The following CALN1 variants were observed in gnomAD, a reference collection of about 807,000 sequenced individuals.
CALN1 encodes calneuron 1.
Under a neutral mutation model 30.6 loss-of-function variants are expected in CALN1, and 17 were observed. The observed-to-expected ratio is 0.56, with a 90% confidence interval of 0.38 to 0.83. The LOEUF (loss-of-function observed/expected upper bound fraction) is 0.83. Among genes scored for constraint, CALN1 ranks in the 40% least tolerant of loss-of-function variants. The pLI is 0.00. For synonymous variants in CALN1, 156 were observed against 131.4 expected, an observed-to-expected ratio of 1.19 and a Z score of -1.28; for missense variants, 291 against 354.9, an observed-to-expected ratio of 0.82 and a Z score of 1.45.
At chr7:72,384,506 T>A (rs548392382) in intron 2 of CALN1, among the ~76,000 whole-genome samples, 1 of 152,250 alleles carries the variant, frequency 6.6e-6, no homozygotes, top group Admixed American at 6.5e-5. Flanking sequence ...TGGTGTTGTG[T>A]GCCTGTAATC....
chr7:71,791,476 CACTT>C (rs1192677951), intron 6 of CALN1, among the ~76,000 whole-genome samples: 2 of 152,220 alleles, frequency 1.3e-5, no homozygotes, highest in Admixed American at 1.3e-4. Context: ...CGCATGTTCT[CACTT>C]ACAAGTGGGA....
At chr7:72,060,867 C>T (rs141141135) in intron 4 of CALN1, among the ~76,000 whole-genome samples, 22 of 152,312 alleles carry the variant, frequency 1.4e-4, no homozygotes, top group South Asian at 2.1e-4. Context: ...GTGGGTGTCA[C>T]GCTTCTTGTA....
intron 3 of CALN1, among the ~76,000 whole-genome samples, chr7:72,121,600 G>T (rs2129542246): frequency 6.7e-6 from 1 of 148,764 alleles, no homozygotes; most frequent in African/African-American, 2.4e-5. Context: ...ATTTGCGTGT[G>T]TGCACATGTG....
the CALN1 span, among the ~76,000 whole-genome samples, chr7:72,457,812 G>A: frequency 6.7e-6 from 1 of 148,618 alleles, no homozygotes; most frequent in African/African-American, 2.5e-5. Flanking sequence ...CTGCAGTGCA[G>A]AGGTGCAATC....
chr7:72,471,180 A>C, the CALN1 span, among the ~76,000 whole-genome samples: 1 of 152,106 alleles, frequency 6.6e-6, no homozygotes, highest in African/African-American at 2.4e-5. Flanking sequence ...TCTCAATATA[A>C]TCAATCATCC....
At chr7:71,989,759 C>T (rs759827339) in intron 5 of CALN1, among the ~76,000 whole-genome samples, 2 of 151,998 alleles carry the variant, frequency 1.3e-5, no homozygotes, top group Admixed American at 6.6e-5. Context: ...AGAAAAACAA[C>T]TCCAAAAATC....
chr7:72,131,684 C>T (rs990421709), intron 3 of CALN1, among the ~76,000 whole-genome samples: 1 of 152,146 alleles, frequency 6.6e-6, no homozygotes, highest in Non-Finnish European at 1.5e-5. Context: ...CCCATGACCT[C>T]GTATTTGCCC....
At chr7:71,824,555 G>A (rs567436796) in intron 5 of CALN1, among the ~76,000 whole-genome samples, 11 of 152,018 alleles carry the variant, frequency 7.2e-5, no homozygotes, top group African/African-American at 1.2e-4. Context: ...TCCATTTTTC[G>A]TCCCTGACTC....
chr7:72,399,270 C>CT (rs5884888), intron 2 of CALN1, among the ~76,000 whole-genome samples: 4,559 of 106,572 alleles, frequency 0.043, 372 homozygotes, highest in African/African-American at 0.11. Flanking sequence ...TAACCTATTG[C>CT]TTTTTTTTTT....
At chr7:72,402,764 G>A (rs948929606) in intron 2 of CALN1, among the ~76,000 whole-genome samples, 4 of 152,164 alleles carry the variant, frequency 2.6e-5, no homozygotes, top group African/African-American at 9.7e-5. Context: ...TAATTTTTTG[G>A]TGGGGGATGG....
intron 3 of CALN1, among the ~76,000 whole-genome samples, chr7:72,177,338 C>A (rs1187881370): frequency 6.6e-6 from 1 of 152,160 alleles, no homozygotes; most frequent in Non-Finnish European, 1.5e-5. Context: ...CGGGCTATGT[C>A]ATGACTCTTA....
In CALN1 at chr7:71,806,258, A is replaced by ACACACG. The variant is rs1400088544; in HGVS notation, c.658+4077_658+4078insCGTGTG. 1.4e-3 allele frequency among the ~76,000 whole-genome samples: 198 copies of ACACACG among 141,908 alleles called. 6 individuals are homozygous for ACACACG. The East Asian group carries it at 0.043, about 31-fold the overall frequency. The allele number at this position is 141,908 out of a possible 152,430, so 93.1% of individuals were successfully genotyped here. ...TGCACATGTGCACGCATGCACACAC[A>ACACACG]CACACACACACAAACACACACACAC... On this transcript the variant is annotated intron_variant, in intron 6 of 6. Coordinates refer to ENST00000395275, the MANE Select transcript of CALN1 (RefSeq NM_031468.4).
chr7:71,902,962 G>A (rs1372399558), intron 5 of CALN1, among the ~76,000 whole-genome samples: 1 of 151,988 alleles, frequency 6.6e-6, no homozygotes, highest in African/African-American at 2.4e-5. Context: ...GTAGACATTG[G>A]AAGCTTGGAA....
At chr7:72,266,507 C>T (rs770707920) in intron 3 of CALN1, among the ~76,000 whole-genome samples, 2 of 152,146 alleles carry the variant, frequency 1.3e-5, no homozygotes, top group African/African-American at 2.4e-5. Flanking sequence ...ATGCACATTC[C>T]GAGCCAATGT....
At position 72,246,753 on chromosome 7, in the gene CALN1, A is replaced by ATTTTT. The variant is rs58282615; in HGVS notation, c.244+31928_244+31932dup. 4.0e-3 allele frequency among the ~76,000 whole-genome samples: 467 copies of ATTTTT among 116,546 alleles called. 21 individuals carry two copies. The highest frequency in any genetic ancestry group is 0.017 in the Middle Eastern group (3 of 178). 76.5% of individuals were successfully genotyped at this position (116,546 alleles called of 152,430 possible). ...AATGATCCTCATTCCTACCAGAACA[A>ATTTTT]TTTTTTTTTTTTTTTTTTGAGATGG... is the stretch of plus-strand genomic sequence containing the variant. On this transcript the variant is annotated intron_variant, in intron 3 of 6. Coordinates refer to ENST00000395275, the MANE Select transcript of CALN1 (RefSeq NM_031468.4).
chr7:72,473,979 C>T, the CALN1 span, among the ~76,000 whole-genome samples: 1 of 147,940 alleles, frequency 6.8e-6, no homozygotes, highest in Non-Finnish European at 1.5e-5. Flanking sequence ...AAAGCCAATT[C>T]GAAAAGCATT....
At chr7:72,084,187 T>C (rs1295570070) in intron 4 of CALN1, among the ~76,000 whole-genome samples, 3 of 151,926 alleles carry the variant, frequency 2.0e-5, no homozygotes, top group African/African-American at 7.3e-5. Context: ...CCAGCCTGGG[T>C]AACAGAGTAA....
intron 5 of CALN1, among the ~76,000 whole-genome samples, chr7:71,856,695 C>T (rs1470853241): frequency 6.6e-6 from 1 of 152,088 alleles, no homozygotes; most frequent in Non-Finnish European, 1.5e-5. Flanking sequence ...TGGCTCATGC[C>T]TATAATCCCA....
chr7:71,844,052 T>A, intron 5 of CALN1, among the ~76,000 whole-genome samples: 1 of 152,168 alleles, frequency 6.6e-6, no homozygotes, highest in Non-Finnish European at 1.5e-5. Context: ...AGATGGACCC[T>A]GGAGTTGGGA....
Sources: allele counts gnomAD v4.1 joint callset (sites outside exome capture counted in the v4.1 genomes callset), GRCh38; gene constraint gnomAD v4.1.1; transcripts MANE v1.5; gene names NCBI Gene and HGNC (gene_info 2026-07-23, HGNC 2026-07-21).